Variants in CHST9 observed in about 807,000 individuals in gnomAD.
CHST9 encodes carbohydrate sulfotransferase 9.
CHST9 carries 41 observed loss-of-function variants against 44.4 expected under a neutral mutation model. The observed-to-expected ratio is 0.92, with a 90% CI of 0.72 to 1.20. The LOEUF (loss-of-function observed/expected upper bound fraction) is 1.20. Ranked by LOEUF, CHST9 falls within the 50% of genes most tolerant of loss-of-function variation. The pLI, the probability that CHST9 is intolerant of heterozygous loss-of-function variation, is 0.00. For synonymous variants in CHST9, 171 were observed against 178.4 expected, an observed-to-expected ratio of 0.96 and a Z score of 0.33; for missense variants, 504 against 516.5, an observed-to-expected ratio of 0.98 and a Z score of 0.23.
intron 3 of CHST9, among the ~76,000 whole-genome samples, chr18:27,045,708 G>C (rs551607298): frequency 4.0e-4 from 61 of 152,074 alleles, no homozygotes; most frequent in African/African-American, 1.5e-3. Context: ...GATATAATTT[G>C]AATGGGTTTT....
At chr18:27,047,123 A>G (rs1469022313) in intron 3 of CHST9, among the ~76,000 whole-genome samples, 3 of 151,996 alleles carry the variant, frequency 2.0e-5, no homozygotes, top group African/African-American at 7.3e-5. Flanking sequence ...TCTGTCTCTA[A>G]CCTTGGTGTC....
At chr18:27,050,150 G>A (rs769596447) in intron 2 of CHST9, among the ~76,000 whole-genome samples, 2 of 152,168 alleles carry the variant, frequency 1.3e-5, no homozygotes, top group African/African-American at 2.4e-5. Context: ...GTAAGTGTGT[G>A]ATGAGAAAGT....
intron 2 of CHST9, among the ~76,000 whole-genome samples, chr18:27,053,130 G>GGAAGAAGAAGAAGAA (rs200427246): frequency 0.018 from 1,280 of 71,120 alleles, 39 homozygotes; most frequent in East Asian, 0.029. Flanking sequence ...AGGAAGAAGA[G>GGAAGAAGAAGAAGAA]GAAGAAGAAG....
chr18:27,061,723 C>A (rs1269584452), intron 2 of CHST9, among the ~76,000 whole-genome samples: 1 of 151,898 alleles, frequency 6.6e-6, no homozygotes, highest in Non-Finnish European at 1.5e-5. Flanking sequence ...TGCATGAGGC[C>A]CCTTGCAATG....
chr18:26,973,935 A>G (rs1352372965), intron 4 of CHST9, among the ~76,000 whole-genome samples: 1 of 152,230 alleles, frequency 6.6e-6, no homozygotes, highest in Admixed American at 6.5e-5. Flanking sequence ...TCCTCATTAA[A>G]AATAAAATCT....
intron 2 of CHST9, among the ~76,000 whole-genome samples, chr18:27,095,857 AAC>A (rs2058111643): frequency 6.6e-6 from 1 of 152,132 alleles, no homozygotes; most frequent in South Asian, 2.1e-4. Context: ...ATACCCCACT[AAC>A]AGCATTAGAC....
chr18:26,935,229 A>G (rs2055966630), intron 5 of CHST9: 1 of 152,094 alleles, frequency 6.6e-6, no homozygotes, highest in African/African-American at 2.4e-5. Context: ...ATCTCCTTCT[A>G]TTTTGCTGAG....
chr18:27,130,092 T>C (rs1333601704), intron 2 of CHST9, among the ~76,000 whole-genome samples: 4 of 152,206 alleles, frequency 2.6e-5, no homozygotes, highest in Non-Finnish European at 5.9e-5. Flanking sequence ...CTACTGGCTA[T>C]GCAAATTTAA....
intron 3 of CHST9, among the ~76,000 whole-genome samples, chr18:27,038,091 TA>T (rs556774700): frequency 2.6e-5 from 4 of 152,176 alleles, no homozygotes; most frequent in Non-Finnish European, 5.9e-5. Flanking sequence ...GGGTTATATT[TA>T]AAAAATTGAT....
chr18:26,967,579 A>G (rs1027371324), intron 4 of CHST9, among the ~76,000 whole-genome samples: 15 of 152,342 alleles, frequency 9.8e-5, no homozygotes, highest in African/African-American at 3.1e-4. Flanking sequence ...CAATTTGTCA[A>G]TGAAACTTCT....
chr18:27,081,037 C>G (rs1193826026), intron 2 of CHST9, among the ~76,000 whole-genome samples: 1 of 151,878 alleles, frequency 6.6e-6, no homozygotes, highest in Non-Finnish European at 1.5e-5. Flanking sequence ...AAGAGGTAGA[C>G]AAAAAGAGAA....
chr18:26,983,820 T>C (rs761304320), intron 4 of CHST9, among the ~76,000 whole-genome samples: 2 of 152,218 alleles, frequency 1.3e-5, no homozygotes, highest in Non-Finnish European at 1.5e-5. Flanking sequence ...AAGTTTTATA[T>C]ATAAAAGTTA....
At chr18:27,092,064 C>T (rs1251945865) in intron 2 of CHST9, among the ~76,000 whole-genome samples, 3 of 152,114 alleles carry the variant, frequency 2.0e-5, no homozygotes, top group Non-Finnish European at 4.4e-5. Flanking sequence ...AGCTATGAAT[C>T]TGTCGTCCTG....
chr18:26,934,678 A>G (rs1417189381), intron 5 of CHST9: 2 of 152,234 alleles, frequency 1.3e-5, no homozygotes, highest in Admixed American at 1.3e-4. Context: ...AAAGGAAAAT[A>G]CAGGATACAA....
Position 27,098,468 on chromosome 18 carries a change from T to G in CHST9, c.121+44221A>C, listed in dbSNP as rs914816951. 3.3e-5 allele frequency among the ~76,000 whole-genome samples: 5 copies of G among 152,096 alleles called. No individual in the cohort carries two copies. In the East Asian group the frequency reaches 9.6e-4, roughly 29 times the overall value. On this transcript the variant is annotated intron_variant, in intron 2 of 5. Transcript: ENST00000618847. Reference sequence around the variant, plus strand: ...CATTACTGGTTATATAACCAAAGGATTATAACTCATTCTATTATAAAGACA... The same window carrying G: ...CATTACTGGTTATATAACCAAAGGAGTATAACTCATTCTATTATAAAGACA...
chr18:26,922,156 C>CT (rs1226616661), intron 5 of CHST9, among the ~76,000 whole-genome samples: 2 of 152,116 alleles, frequency 1.3e-5, no homozygotes, highest in Non-Finnish European at 2.9e-5. Flanking sequence ...TCTCCTTTTG[C>CT]TTTTTTTGCT....
At chr18:27,021,338 C>T (rs2057223694) in intron 4 of CHST9, among the ~76,000 whole-genome samples, 1 of 152,126 alleles carries the variant, frequency 6.6e-6, no homozygotes, top group South Asian at 2.1e-4. Flanking sequence ...TTGACAACAA[C>T]AAGTCACAGG....
At chr18:27,068,733 C>A (rs879937080) in intron 2 of CHST9, among the ~76,000 whole-genome samples, 1 of 152,122 alleles carries the variant, frequency 6.6e-6, no homozygotes, top group African/African-American at 2.4e-5. Flanking sequence ...ATTCTTGTGG[C>A]CTTTGGCTTA....
At chr18:27,115,432 A>G (rs1246587900) in intron 2 of CHST9, among the ~76,000 whole-genome samples, 2 of 152,236 alleles carry the variant, frequency 1.3e-5, no homozygotes, top group Admixed American at 1.3e-4. Flanking sequence ...TGGAAGAACC[A>G]TCAGACTTTT....
Sources: allele counts gnomAD v4.1 joint callset (sites outside exome capture counted in the v4.1 genomes callset), GRCh38; gene constraint gnomAD v4.1.1; transcripts MANE v1.5; gene names NCBI Gene and HGNC (gene_info 2026-07-23, HGNC 2026-07-21).